The following VAV1 variants were observed in gnomAD, a reference collection of about 807,000 sequenced individuals.
The protein encoded by VAV1 is vav guanine nucleotide exchange factor 1.
A neutral mutation model predicts 128.1 loss-of-function variants in VAV1; 33 were observed. That is an observed-to-expected ratio of 0.26 (90% CI 0.20 to 0.34). The LOEUF (loss-of-function observed/expected upper bound fraction) is 0.34, where lower values mean the gene tolerates loss of function less well. Ranked by LOEUF, VAV1 falls within the 10% of genes least tolerant of loss-of-function variation. The probability of loss-of-function intolerance (pLI) is 1.00; values close to 1 mark genes in which losing one functional copy is unlikely to be tolerated. For missense variants in VAV1, 715 were observed against 1,093.7 expected (o/e 0.65, Z 4.88); for synonymous variants, 394 against 409.8 (o/e 0.96, Z 0.47).
intron 1 of VAV1, among the ~76,000 whole-genome samples, chr19:6,807,075 G>A (rs1033165623): frequency 6.6e-5 from 10 of 152,160 alleles, no homozygotes; most frequent in African/African-American, 2.4e-4. Context: ...AACCTATAGA[G>A]CAGCAGTCTC....
intron 21 of VAV1, among the ~76,000 whole-genome samples, chr19:6,841,459 A>G (rs1257717116): frequency 6.8e-6 from 1 of 146,852 alleles, no homozygotes; most frequent in African/African-American, 2.5e-5. Flanking sequence ...TTGAGGAACC[A>G]CCATACTATT....
chr19:6,776,159 C>CCATCCATCCATCCAT (rs1568278870), intron 1 of VAV1, among the ~76,000 whole-genome samples: 24 of 130,364 alleles, frequency 1.8e-4, no homozygotes, highest in African/African-American at 6.5e-4. Flanking sequence ...CATCTATCCA[C>CCATCCATCCATCCAT]CCATCCATCC....
chr19:6,788,222 C>T (rs1483203535), intron 1 of VAV1, among the ~76,000 whole-genome samples: 1 of 151,992 alleles, frequency 6.6e-6, no homozygotes, highest in Non-Finnish European at 1.5e-5. Flanking sequence ...GAATGAGCCA[C>T]CACATCCAGC....
chr19:6,805,676 A>G (rs1253947818), intron 1 of VAV1, among the ~76,000 whole-genome samples: 1 of 151,780 alleles, frequency 6.6e-6, no homozygotes, highest in East Asian at 1.9e-4. Context: ...CATTACATTT[A>G]TTGTTCACTT....
chr19:6,795,925 C>T (rs1222927942), intron 1 of VAV1, among the ~76,000 whole-genome samples: 4 of 152,230 alleles, frequency 2.6e-5, no homozygotes, highest in African/African-American at 9.6e-5. Flanking sequence ...CCTCGTGATC[C>T]GCCCGTCTCA....
At chr19:6,842,799 A>G (rs894667260) in intron 21 of VAV1, among the ~76,000 whole-genome samples, 13 of 152,120 alleles carry the variant, frequency 8.5e-5, no homozygotes, top group African/African-American at 3.1e-4. Flanking sequence ...ATACTGCTGC[A>G]CTCCAACCTG....
intron 1 of VAV1, among the ~76,000 whole-genome samples, chr19:6,774,370 C>T (rs145489562): frequency 0.022 from 3,244 of 150,652 alleles, 132 homozygotes; most frequent in African/African-American, 0.073. Context: ...CCTCATGATC[C>T]GCCCACCTCG....
chr19:6,780,556 C>T (rs372560998), intron 1 of VAV1, among the ~76,000 whole-genome samples: 4 of 143,172 alleles, frequency 2.8e-5, no homozygotes, highest in African/African-American at 1.1e-4. Flanking sequence ...ATTGCCTTCT[C>T]CTTTTCTTTC....
chr19:6,793,508 C>T (rs561435005), intron 1 of VAV1, among the ~76,000 whole-genome samples: 1 of 152,102 alleles, frequency 6.6e-6, no homozygotes, highest in Non-Finnish European at 1.5e-5. Flanking sequence ...AAGACAGGTA[C>T]CTCTCTGCAC....
At chr19:6,806,266 T>C (rs1971394808) in intron 1 of VAV1, among the ~76,000 whole-genome samples, 1 of 152,080 alleles carries the variant, frequency 6.6e-6, no homozygotes, top group Non-Finnish European at 1.5e-5. Flanking sequence ...TTTGTATTTT[T>C]AGTAGAAACG....
intron 19 of VAV1, among the ~76,000 whole-genome samples, chr19:6,835,313 T>C (rs1334179802): frequency 1.3e-5 from 2 of 152,016 alleles, no homozygotes; most frequent in African/African-American, 4.8e-5. Flanking sequence ...CTTAAGTATA[T>C]GACTTAATAC....
intron 1 of VAV1, among the ~76,000 whole-genome samples, chr19:6,774,284 C>T (rs543684949): frequency 2.0e-3 from 305 of 151,892 alleles, no homozygotes; most frequent in Non-Finnish European, 3.0e-3. Flanking sequence ...CCCGCCACCA[C>T]GCCTGGCTAA....
intron 24 of VAV1, among the ~76,000 whole-genome samples, chr19:6,852,449 C>T (rs1463268049): frequency 2.0e-5 from 3 of 152,132 alleles, no homozygotes; most frequent in African/African-American, 2.4e-5. Context: ...TGGCCGGGCA[C>T]GGTGGCTCAC....
chr19:6,773,062 C>T (rs2144677889), intron 1 of VAV1, 51 bp downstream of exon 1: 3 of 1,607,302 alleles, frequency 1.9e-6, no homozygotes, highest in Middle Eastern at 3.3e-4. Flanking sequence ...GGGGTCCTCC[C>T]CGGGGCTGAC....
chr19:6,833,414 C>T lies in VAV1; in HGVS notation c.1611-114C>T, dbSNP rs139047554. ...TCCCTACTTTGATCTTCTGCTTCTC[C>T]GTCACTCTCCTGATCTAAAGAGAAC... On this transcript the variant is annotated intron_variant, in intron 16 of 26. Coordinates refer to ENST00000602142, the MANE Select transcript of VAV1 (RefSeq NM_005428.4). 6.3e-5 allele frequency: 86 copies of T among 1,370,832 alleles called. No individual in the cohort carries two copies. In the East Asian group the frequency reaches 1.7e-3, roughly 28 times the overall value. 84.9% of individuals were successfully genotyped at this position (1,370,832 alleles called of 1,614,324 possible). A position where few individuals can be genotyped will look rare whatever the true frequency, so the allele number is the denominator to read the frequency against.
In VAV1 at chr19:6,828,036, G is replaced by C; in HGVS notation, c.928-40G>C. ...CCCACCCTGCAACTGGCTGTTTCTG[G>C]GACCTGCCTCAGTTTCCCCATTGTT... On this transcript the variant is annotated intron_variant, in intron 9 of 26. Transcript: ENST00000602142. This position sits in a 1 kb window ranked among gnomAD's most constrained non-coding sequence, Gnocchi z 4.5. The C allele has an allele frequency of 1.3e-6, 2 of 1,591,744 alleles. No individual in the cohort carries two copies. Among genetic ancestry groups the C allele is most frequent in the South Asian group, 2.2e-5 (2 of 90,602 alleles).
chr19:6,817,323 C>G (rs1469365746), intron 1 of VAV1, among the ~76,000 whole-genome samples: 1 of 151,836 alleles, frequency 6.6e-6, no homozygotes, highest in African/African-American at 2.4e-5. Flanking sequence ...CTCTGCCTTC[C>G]AAAGTGCTGC....
At position 6,837,271 on chromosome 19, in the gene VAV1, A is replaced by G. The variant is rs868047077; in HGVS notation, c.1980+221A>G. On this transcript the variant is annotated intron_variant, in intron 21 of 26. Coordinates refer to ENST00000602142, the MANE Select transcript of VAV1 (RefSeq NM_005428.4). ...TTTTTCTCCTTGATCATTTTTGTGTAAAGGTCCTTTCCTTCCTACATGGGT... is the reference window on the plus strand; with the variant it reads ...TTTTTCTCCTTGATCATTTTTGTGTGAAGGTCCTTTCCTTCCTACATGGGT... Among the ~76,000 whole-genome samples, 5 of 152,284 alleles carry G rather than the reference A, an allele frequency of 3.3e-5. No individual in the cohort carries two copies. In the South Asian group the frequency reaches 8.3e-4, roughly 25 times the overall value.
chr19:6,780,113 A>AATAATG (rs141228979), intron 1 of VAV1, among the ~76,000 whole-genome samples: 4 of 10,278 alleles, frequency 3.9e-4, no homozygotes, highest in Non-Finnish European at 6.6e-4. Context: ...TCTGTCTTAA[A>AATAATG]ATAATAATAA....
Sources: gnomAD v4.1 joint callset for allele counts (sites outside exome capture counted in the v4.1 genomes callset) on GRCh38, gnomAD v4.1.1 for gene constraint, Gnocchi (gnomAD v3.1) non-coding constraint, MANE v1.5 for transcripts, NCBI Gene and HGNC (gene_info 2026-07-23, HGNC 2026-07-21) for gene names.